Variants in ZMYND12 observed in about 807,000 individuals in gnomAD.
The protein encoded by ZMYND12 is zinc finger MYND-type containing 12.
Under a neutral mutation model 41.7 loss-of-function variants are expected in ZMYND12, and 32 were observed. The ratio of observed to expected loss-of-function variants is 0.77; its 90% CI spans 0.58 to 1.03. The LOEUF (loss-of-function observed/expected upper bound fraction) is 1.03. Among genes scored for constraint, ZMYND12 ranks in the 50% least tolerant of loss-of-function variants. The pLI is 0.00. For missense variants in ZMYND12, 424 were observed against 438.5 expected, an observed-to-expected ratio of 0.97 and a Z score of 0.30; for synonymous variants, 148 against 164.8, an observed-to-expected ratio of 0.90 and a Z score of 0.78.
At chr1:42,436,876 A>C (rs1024631137) in intron 4 of ZMYND12, among the ~76,000 whole-genome samples, 20 of 152,146 alleles carry the variant, frequency 1.3e-4, no homozygotes, top group Non-Finnish European at 2.6e-4. Context: ...GGGAATGTAA[A>C]AGGGTGCAGC....
At chr1:42,450,363 G>C (rs112087324) in intron 1 of ZMYND12, among the ~76,000 whole-genome samples, 1 of 152,266 alleles carries the variant, frequency 6.6e-6, no homozygotes, top group East Asian at 1.9e-4. Flanking sequence ...TTTTATTTCT[G>C]CAAGGTTGGT....
Position 42,433,292 on chromosome 1 carries a change from C to T in ZMYND12, c.830-4G>A. 6.3e-7 allele frequency: 1 copy of T among 1,598,442 alleles called. No individual in the cohort carries two copies. Among genetic ancestry groups the T allele is most frequent in the Non-Finnish European group, 8.5e-7 (1 of 1,175,268 alleles). The stretch of plus-strand genomic sequence containing the variant: ...GCTTCTGCTTCTTGGGCTTCATCTG[C>T]ATTGGAAGGGGAAGAAAGAAAAAAC... On this transcript the variant is annotated splice_polypyrimidine_tract_variant and splice_region_variant and intron_variant, in intron 6 of 7. Transcript: ENST00000372565.
intron 1 of ZMYND12, among the ~76,000 whole-genome samples, chr1:42,453,120 T>C (rs1643100017): frequency 6.6e-6 from 1 of 152,118 alleles, no homozygotes. Context: ...CATCAAAACC[T>C]ATAGAACAAC....
At chr1:42,445,427 C>T (rs1177990369) in intron 3 of ZMYND12, among the ~76,000 whole-genome samples, 1 of 137,584 alleles carries the variant, frequency 7.3e-6, no homozygotes, top group South Asian at 2.7e-4. Context: ...ATCGGGACTC[C>T]GTCTAAAAAA....
At chr1:42,445,729 A>G (rs912300329) in intron 3 of ZMYND12, among the ~76,000 whole-genome samples, 11 of 152,172 alleles carry the variant, frequency 7.2e-5, no homozygotes, top group African/African-American at 2.4e-4. Flanking sequence ...TAACGGCTAG[A>G]TCAAGCAGAG....
intron 1 of ZMYND12, among the ~76,000 whole-genome samples, chr1:42,454,737 C>T (rs2148412381): frequency 6.8e-6 from 1 of 147,888 alleles, no homozygotes. Flanking sequence ...CAGTTTCACT[C>T]TTGTTGCCCA....
intron 3 of ZMYND12, among the ~76,000 whole-genome samples, chr1:42,441,544 A>G (rs895781405): frequency 2.1e-4 from 32 of 152,166 alleles, no homozygotes; most frequent in Non-Finnish European, 8.8e-5. Context: ...TTGTTCTACT[A>G]TATCATTTTT....
chr1:42,433,901 G>A (rs1006982914), intron 6 of ZMYND12, among the ~76,000 whole-genome samples: 5 of 151,574 alleles, frequency 3.3e-5, no homozygotes, highest in South Asian at 2.1e-4. Flanking sequence ...AGAAAAAGAC[G>A]AAAAGGATAT....
intron 3 of ZMYND12, among the ~76,000 whole-genome samples, chr1:42,443,843 G>T (rs1642994766): frequency 6.6e-6 from 1 of 152,104 alleles, no homozygotes; most frequent in Admixed American, 6.6e-5. Flanking sequence ...ACTCCAAGAA[G>T]CTTAAAATCA....
In ZMYND12 at chr1:42,455,922, G is replaced by C; in HGVS notation, c.76C>G (p.Arg26Gly). The change falls in exon 1 of 8, where the codon CGG becomes GGG. Residue 26 changes from arginine to glycine, a missense_variant. Coordinates refer to ENST00000372565, the MANE Select transcript of ZMYND12 (RefSeq NM_032257.5). ...CCEVCEAPAE[R>G]VCAACTVTYY... ...GTGACTGTGCAGGCCGCGCACACCC[G>C]CTCGGCTGGGGCTTCGCACACCTCA... is the stretch of plus-strand genomic sequence containing the variant. The C allele has an allele frequency of 6.2e-7, 1 of 1,613,612 alleles. No individual in the cohort carries two copies. The highest frequency in any genetic ancestry group is 8.5e-7 in the Non-Finnish European group (1 of 1,179,902).
intron 3 of ZMYND12, among the ~76,000 whole-genome samples, chr1:42,445,377 G>A (rs1302553678): frequency 6.7e-6 from 1 of 149,792 alleles, no homozygotes; most frequent in Non-Finnish European, 1.5e-5. Flanking sequence ...AGGTTGCAGT[G>A]AGCCAAGATC....
chr1:42,441,325 ATATGT>A (rs1302745819), intron 3 of ZMYND12, among the ~76,000 whole-genome samples: 2 of 152,188 alleles, frequency 1.3e-5, no homozygotes, highest in African/African-American at 4.8e-5. Flanking sequence ...ATATGAAATA[ATATGT>A]TATGTTCATA....
intron 3 of ZMYND12, among the ~76,000 whole-genome samples, chr1:42,446,143 C>G (rs187727346): frequency 6.6e-6 from 1 of 151,836 alleles, no homozygotes; most frequent in African/African-American, 2.4e-5. Context: ...GCCCATGGAG[C>G]GGGAAGAGGT....
intron 3 of ZMYND12, among the ~76,000 whole-genome samples, chr1:42,445,431 T>TA (rs573648674): frequency 0.25 from 26,107 of 106,502 alleles, 2,856 homozygotes; most frequent in East Asian, 0.43. Context: ...GGACTCCGTC[T>TA]AAAAAAAAAA....
At chr1:42,441,710 T>A (rs895779968) in intron 3 of ZMYND12, among the ~76,000 whole-genome samples, 1 of 151,794 alleles carries the variant, frequency 6.6e-6, no homozygotes, top group African/African-American at 2.4e-5. Flanking sequence ...AAGCTCCGCC[T>A]CCCAGGTTCA....
At chr1:42,439,003 C>T (rs1642936152) in intron 4 of ZMYND12, among the ~76,000 whole-genome samples, 1 of 152,172 alleles carries the variant, frequency 6.6e-6, no homozygotes, top group South Asian at 2.1e-4. Context: ...AGAGTTTTAT[C>T]ATCGATAAGT....
At chr1:42,435,449 TGAG>T in intron 5 of ZMYND12, 64 bp from the exon 6 acceptor site, 3 of 1,280,410 alleles carry the variant, frequency 2.3e-6, no homozygotes, top group Non-Finnish European at 2.3e-6. Flanking sequence ...ACCAGGCAGG[TGAG>T]GAGAGTAGCG....
chr1:42,444,669 G>A lies in ZMYND12; in HGVS notation c.424+3798C>T, dbSNP rs190729105. On this transcript the variant is annotated intron_variant, in intron 3 of 7. Transcript: ENST00000372565. Reference sequence around the variant, plus strand: ...TACTGGGCTGAGTGTGAAGACATCCGTGATAATTAAGAATAGACACAGATC... The same window carrying A: ...TACTGGGCTGAGTGTGAAGACATCCATGATAATTAAGAATAGACACAGATC... 6.6e-5 allele frequency among the ~76,000 whole-genome samples: 10 copies of A among 152,178 alleles called. No homozygotes were observed. The South Asian group carries it at 1.5e-3, about 22-fold the overall frequency.
chr1:42,430,428 A>G lies in ZMYND12; in HGVS notation c.*308T>C, dbSNP rs1200268595. ...GTTGGAAGACTTCTGGGAAATGACA[A>G]ACTATTTGTAGTTTAATTACAAATA... On this transcript the variant is annotated 3_prime_UTR_variant, in exon 8 of 8. Transcript: ENST00000372565. 1 of 248,718 alleles carries G rather than the reference A, an allele frequency of 4.0e-6. No individual in the cohort carries two copies. The highest frequency in any genetic ancestry group is 7.8e-6 in the Non-Finnish European group (1 of 128,318). The allele number at this position is 248,718 out of a possible 1,614,324, so 15.4% of individuals were successfully genotyped here.
Sources: gnomAD v4.1 joint callset for allele counts (sites outside exome capture counted in the v4.1 genomes callset) on GRCh38, gnomAD v4.1.1 for gene constraint, MANE v1.5 for transcripts, NCBI Gene and HGNC (gene_info 2026-07-23, HGNC 2026-07-21) for gene names.